Variants in RBFOX1 observed in about 807,000 individuals in gnomAD.
The protein encoded by RBFOX1 is RNA binding protein fox-1 homolog 1.
RBFOX1 carries 8 observed loss-of-function variants against 57.7 expected under a neutral mutation model. The observed-to-expected ratio is 0.14, with a 90% CI of 0.08 to 0.25. The LOEUF (loss-of-function observed/expected upper bound fraction) is 0.25, where lower values mean the gene tolerates loss of function less well. Ranked by LOEUF, RBFOX1 falls within the 10% of genes least tolerant of loss-of-function variation. RBFOX1 has a pLI of 1.00. For synonymous variants in RBFOX1, 326 were observed against 222.4 expected (o/e 1.47, Z -4.15); for missense variants, 611 against 548.5 (o/e 1.11, Z -1.14).
intron 4 of RBFOX1, among the ~76,000 whole-genome samples, chr16:7,479,924 C>T (rs911133694): frequency 4.6e-5 from 7 of 152,192 alleles, no homozygotes; most frequent in African/African-American, 1.7e-4. Flanking sequence ...CAATTTGTGT[C>T]AGCAACCGTT....
At chr16:7,186,748 A>G (rs986758227) in intron 4 of RBFOX1, among the ~76,000 whole-genome samples, 2 of 150,456 alleles carry the variant, frequency 1.3e-5, no homozygotes, top group East Asian at 1.9e-4. Context: ...ATATGAAGCA[A>G]TGACATTATT....
Position 7,579,881 on chromosome 16 carries a change from C to G in RBFOX1, c.375C>G (p.Pro125=). The part of the protein sequence containing the change: ...QPKRLHVSNI[P]FRFRDPDLRQ... ...AGCGGCTGCATGTCTCCAATATCCC[C>G]TTCAGGTTCCGGGATCCGGACCTCA... Residue 125 remains proline (P), a synonymous_variant, in exon 6 of 16, where the codon CCC becomes CCG. Transcript: ENST00000550418. 2 of 1,614,134 alleles carry G rather than the reference C, an allele frequency of 1.2e-6. No individual in the cohort carries two copies. Among genetic ancestry groups the G allele is most frequent in the South Asian group, 1.1e-5 (1 of 91,080 alleles).
intron 2 of RBFOX1, among the ~76,000 whole-genome samples, chr16:6,526,064 T>C (rs1216695512): frequency 6.6e-6 from 1 of 152,212 alleles, no homozygotes; most frequent in African/African-American, 2.4e-5. Context: ...ATCACTTACA[T>C]GACCAGGTTT....
intron 4 of RBFOX1, among the ~76,000 whole-genome samples, chr16:7,192,634 C>A (rs1263932619): frequency 6.6e-6 from 1 of 152,090 alleles, no homozygotes; most frequent in African/African-American, 2.4e-5. Context: ...ATGCAATAGA[C>A]AGTTTAGATC....
At chr16:7,439,376 A>T (rs1421037465) in intron 4 of RBFOX1, among the ~76,000 whole-genome samples, 1 of 152,048 alleles carries the variant, frequency 6.6e-6, no homozygotes, top group Non-Finnish European at 1.5e-5. Flanking sequence ...AAAAAAAAAA[A>T]AAAATCCAGC....
chr16:6,706,395 G>A (rs9924395), intron 3 of RBFOX1, among the ~76,000 whole-genome samples: 59,229 of 152,026 alleles, frequency 0.39, 12,193 homozygotes, highest in East Asian at 0.7. Context: ...GTGTCTCTTG[G>A]GGAATAATCA....
intron 4 of RBFOX1, among the ~76,000 whole-genome samples, chr16:6,000,701 G>C (rs191195787): frequency 1.3e-5 from 2 of 151,308 alleles, no homozygotes; most frequent in Non-Finnish European, 2.9e-5. Context: ...GGGTGGATGA[G>C]TGGGTTGGTG....
At chr16:5,550,565 A>T (rs528405177) in intron 2 of RBFOX1, among the ~76,000 whole-genome samples, 36 of 152,264 alleles carry the variant, frequency 2.4e-4, no homozygotes, top group Admixed American at 1.4e-3. Context: ...CTGTCACATT[A>T]AAAAAATGTA....
chr16:7,693,641 A>G (rs889490267), intron 14 of RBFOX1, among the ~76,000 whole-genome samples: 4 of 152,158 alleles, frequency 2.6e-5, no homozygotes, highest in Non-Finnish European at 5.9e-5. Context: ...CCACAAGAAA[A>G]TCTTACAGTA....
At chr16:7,689,520 A>T (rs946749669) in intron 14 of RBFOX1, among the ~76,000 whole-genome samples, 2 of 152,046 alleles carry the variant, frequency 1.3e-5, no homozygotes, top group African/African-American at 4.8e-5. Flanking sequence ...AAGTGTATAG[A>T]TTACCAGACC....
intron 2 of RBFOX1, among the ~76,000 whole-genome samples, chr16:6,517,200 G>C (rs1317606097): frequency 6.6e-6 from 1 of 152,116 alleles, no homozygotes; most frequent in Non-Finnish European, 1.5e-5. Flanking sequence ...CCACTTTATG[G>C]AAGGGCGTGA....
chr16:6,894,497 G>A (rs1434607437), intron 3 of RBFOX1, among the ~76,000 whole-genome samples: 1 of 152,164 alleles, frequency 6.6e-6, no homozygotes, highest in Non-Finnish European at 1.5e-5. Flanking sequence ...TCTGTCTCAT[G>A]TTTCTGTTCA....
intron 4 of RBFOX1, among the ~76,000 whole-genome samples, chr16:7,407,760 A>G (rs1350521089): frequency 2.0e-5 from 3 of 152,198 alleles, no homozygotes; most frequent in Admixed American, 6.5e-5. Context: ...TGCCTTCTGT[A>G]TCTTCATAGA....
intron 3 of RBFOX1, among the ~76,000 whole-genome samples, chr16:6,945,312 A>T (rs932005026): frequency 1.3e-5 from 2 of 152,164 alleles, no homozygotes; most frequent in Non-Finnish European, 2.9e-5. Context: ...TAGGGGTCTC[A>T]AACGCAGATG....
chr16:6,657,031 T>G (rs1353874489), intron 3 of RBFOX1, among the ~76,000 whole-genome samples: 3 of 88,656 alleles, frequency 3.4e-5, no homozygotes, highest in African/African-American at 1.4e-4. Context: ...TCCTCTCCTG[T>G]CCTCCCCTTT....
chr16:6,903,526 C>T (rs557447948), intron 3 of RBFOX1, among the ~76,000 whole-genome samples: 2 of 152,294 alleles, frequency 1.3e-5, no homozygotes, highest in South Asian at 4.1e-4. Flanking sequence ...GGGGGAAGCA[C>T]TTCAATAGGA....
intron 3 of RBFOX1, among the ~76,000 whole-genome samples, chr16:6,925,531 G>A (rs764690992): frequency 1.3e-5 from 2 of 151,768 alleles, no homozygotes; most frequent in Middle Eastern, 3.4e-3. Flanking sequence ...GGGGGGGCAG[G>A]GATTTTGATC....
intron 1 of RBFOX1, among the ~76,000 whole-genome samples, chr16:6,214,602 TGA>T (rs1567694560): frequency 2.7e-5 from 1 of 36,706 alleles, no homozygotes; most frequent in Non-Finnish European, 5.2e-5. Context: ...AGGGAGAAGG[TGA>T]GAGGGAGAAG....
At chr16:6,416,526 T>C (rs571089980) in intron 2 of RBFOX1, among the ~76,000 whole-genome samples, 19 of 152,202 alleles carry the variant, frequency 1.2e-4, no homozygotes, top group African/African-American at 4.3e-4. Flanking sequence ...AGAGATTGTA[T>C]TAATGAGGAA....
Sources: gnomAD v4.1 joint callset for allele counts (sites outside exome capture counted in the v4.1 genomes callset) on GRCh38, gnomAD v4.1.1 for gene constraint, MANE v1.5 for transcripts, NCBI Gene and HGNC (gene_info 2026-07-23, HGNC 2026-07-21) for gene names.